DCDC2: variants seen among roughly 807,000 people sequenced by gnomAD.
DCDC2 encodes doublecortin domain-containing protein 2.
A neutral mutation model predicts 50.2 loss-of-function variants in DCDC2; 40 were observed. The observed-to-expected ratio is 0.80, with a 90% confidence interval of 0.62 to 1.04. The LOEUF is 1.04. Ranked by LOEUF, DCDC2 falls within the 50% of genes least tolerant of loss-of-function variation. The pLI is 0.00. For synonymous variants in DCDC2, 234 were observed against 210.6 expected (o/e 1.11, Z -0.96); for missense variants, 570 against 581.9 (o/e 0.98, Z 0.21).
chr6:24,336,805 C>T (rs1760064520), intron 2 of DCDC2, among the ~76,000 whole-genome samples: 1 of 151,866 alleles, frequency 6.6e-6, no homozygotes, highest in Non-Finnish European at 1.5e-5. Context: ...ATTAATGTGG[C>T]CCTTTGTAAC....
the DCDC2 span, among the ~76,000 whole-genome samples, chr6:24,368,710 A>G: frequency 6.6e-6 from 1 of 152,014 alleles, no homozygotes; most frequent in South Asian, 2.1e-4. Flanking sequence ...TTGACGAATG[A>G]TAGTCTGAGG....
intron 7 of DCDC2, among the ~76,000 whole-genome samples, chr6:24,275,569 TC>T (rs1182228165): frequency 6.6e-6 from 1 of 152,134 alleles, no homozygotes; most frequent in Non-Finnish European, 1.5e-5. Context: ...CCTAAAACCT[TC>T]CTTTAAAAGA....
intron 2 of DCDC2, among the ~76,000 whole-genome samples, chr6:24,343,051 CTTTT>C (rs11322032): frequency 4.8e-5 from 6 of 124,102 alleles, no homozygotes; most frequent in Non-Finnish European, 5.0e-5. Context: ...GGTAAATATT[CTTTT>C]TTTTTTTTTT....
intron 7 of DCDC2, among the ~76,000 whole-genome samples, chr6:24,265,822 C>T (rs909812883): frequency 6.6e-5 from 10 of 150,818 alleles, no homozygotes; most frequent in Non-Finnish European, 1.5e-5. Context: ...AAAAAAAATT[C>T]ATATACCATA....
the DCDC2 span, among the ~76,000 whole-genome samples, chr6:24,370,153 C>G: frequency 6.6e-6 from 1 of 152,140 alleles, no homozygotes; most frequent in Non-Finnish European, 1.5e-5. Context: ...CCAGCTCTGT[C>G]CTGTTTACAA....
chr6:24,199,390 G>A (rs1027078654), intron 8 of DCDC2, among the ~76,000 whole-genome samples: 2 of 152,180 alleles, frequency 1.3e-5, no homozygotes, highest in African/African-American at 2.4e-5. Flanking sequence ...TGGACCTCCA[G>A]CAAACTCCAG....
At chr6:24,351,999 G>A (rs930601007) in intron 2 of DCDC2, among the ~76,000 whole-genome samples, 4 of 152,270 alleles carry the variant, frequency 2.6e-5, no homozygotes, top group Admixed American at 6.5e-5. Flanking sequence ...AGCTACTCAG[G>A]AGGCTGAGGC....
the DCDC2 span, among the ~76,000 whole-genome samples, chr6:24,372,667 CA>C: frequency 6.6e-6 from 1 of 151,220 alleles, no homozygotes; most frequent in Non-Finnish European, 1.5e-5. Context: ...ATCGCAAGGA[CA>C]AAAAACCAAA....
intron 2 of DCDC2, among the ~76,000 whole-genome samples, chr6:24,340,671 GAATAT>G (rs1188326735): frequency 6.6e-6 from 1 of 151,970 alleles, no homozygotes; most frequent in Non-Finnish European, 1.5e-5. Flanking sequence ...TTATCACTTA[GAATAT>G]AATTAACAAA....
chr6:24,359,148 ATT>A (rs1330771585), upstream of DCDC2, among the ~76,000 whole-genome samples: 16 of 69,174 alleles, frequency 2.3e-4, no homozygotes, highest in Admixed American at 9.0e-4. Context: ...TATATTATAT[ATT>A]TTATATATTT....
At chr6:24,212,255 T>G (rs573552124) in intron 7 of DCDC2, among the ~76,000 whole-genome samples, 1 of 152,248 alleles carries the variant, frequency 6.6e-6, no homozygotes, top group African/African-American at 2.4e-5. Context: ...GTGCAATAAA[T>G]GTTGGGAAGC....
chr6:24,369,539 G>A, the DCDC2 span, among the ~76,000 whole-genome samples: 2 of 151,836 alleles, frequency 1.3e-5, no homozygotes, highest in African/African-American at 2.4e-5. Context: ...GAACCTGGGA[G>A]GTGGAGGTTG....
chr6:24,205,173 A>C (rs1761685091), intron 7 of DCDC2, 71 bp from the exon 8 acceptor site: 1 of 1,614,114 alleles, frequency 6.2e-7, no homozygotes, highest in East Asian at 2.2e-5. Flanking sequence ...CTGGAATTAC[A>C]ATCAAATGCT....
In DCDC2 at chr6:24,191,552, C is replaced by T. The variant is rs150137064; in HGVS notation, c.1024-12920G>A. Among the ~76,000 whole-genome samples, 1,019 of 152,256 alleles carry T rather than the reference C, an allele frequency of 6.7e-3. 2 individuals carry two copies. The highest frequency in any genetic ancestry group is 0.011 in the Non-Finnish European group (727 of 68,006). On this transcript the variant is annotated intron_variant, in intron 8 of 9. Coordinates refer to ENST00000378454, the MANE Select transcript of DCDC2 (RefSeq NM_016356.5). ...CTACAGCCTGTGGAAGTCTGAAGAACACATGGCCTGCTAAAGAGATACAGA... is the reference window on the plus strand; with the variant it reads ...CTACAGCCTGTGGAAGTCTGAAGAATACATGGCCTGCTAAAGAGATACAGA...
chr6:24,243,464 C>T (rs60218657), intron 7 of DCDC2, among the ~76,000 whole-genome samples: 5,371 of 152,276 alleles, frequency 0.035, 288 homozygotes, highest in African/African-American at 0.12. Flanking sequence ...AAGAGTCTTA[C>T]CTCATGGGGT....
intron 7 of DCDC2, among the ~76,000 whole-genome samples, chr6:24,232,171 A>G (rs1762350943): frequency 6.6e-6 from 1 of 152,198 alleles, no homozygotes; most frequent in South Asian, 2.1e-4. Flanking sequence ...ATATCCATGC[A>G]CTCAAGCAAT....
At chr6:24,247,900 C>T (rs1762713430) in intron 7 of DCDC2, among the ~76,000 whole-genome samples, 1 of 152,100 alleles carries the variant, frequency 6.6e-6, no homozygotes, top group Non-Finnish European at 1.5e-5. Context: ...CATGGTGAAA[C>T]CCTGTCTCTA....
chr6:24,217,203 A>G (rs1396113809), intron 7 of DCDC2, among the ~76,000 whole-genome samples: 1 of 152,196 alleles, frequency 6.6e-6, no homozygotes, highest in African/African-American at 2.4e-5. Flanking sequence ...TCAGTTGATA[A>G]ACCTAAGATA....
intron 8 of DCDC2, among the ~76,000 whole-genome samples, chr6:24,185,863 T>A (rs975288739): frequency 6.6e-6 from 1 of 152,142 alleles, no homozygotes; most frequent in African/African-American, 2.4e-5. Flanking sequence ...CCTTCCTCCA[T>A]CCCCTTCACT....
Sources: gnomAD v4.1 joint callset for allele counts (sites outside exome capture counted in the v4.1 genomes callset) on GRCh38, gnomAD v4.1.1 for gene constraint, MANE v1.5 for transcripts, NCBI Gene and HGNC (gene_info 2026-07-23, HGNC 2026-07-21) for gene names.